The following CCDC88C variants were observed in gnomAD, a reference collection of about 807,000 sequenced individuals.
CCDC88C encodes protein Daple.
A neutral mutation model predicts 198.8 loss-of-function variants in CCDC88C; 131 were observed. That is an observed-to-expected ratio of 0.66 (90% confidence interval 0.57 to 0.76). The LOEUF (loss-of-function observed/expected upper bound fraction) is 0.76, where lower values mean the gene tolerates loss of function less well. Among genes scored for constraint, CCDC88C ranks in the 30% least tolerant of loss-of-function variants. The pLI is 0.00. For synonymous variants in CCDC88C, 1,166 were observed against 1,114.7 expected, an observed-to-expected ratio of 1.05 and a Z score of -0.92; for missense variants, 2,553 against 2,631.6, an observed-to-expected ratio of 0.97 and a Z score of 0.65.
chr14:91,339,099 G>A lies in CCDC88C; in HGVS notation c.809+179C>T, dbSNP rs1596086676. On this transcript the variant is annotated intron_variant, in intron 8 of 29. Transcript: ENST00000389857. This position sits in a 1 kb window ranked among gnomAD's most constrained non-coding sequence, Gnocchi z 5.8. ...GAATCCCCGCCCCCATCCCTGTGCA[G>A]GCCTCAGAAGGGGAGGCAGCTAGTC... 1 of 726,370 alleles carries A rather than the reference G, an allele frequency of 1.4e-6. No individual in the cohort carries two copies. The highest frequency in any genetic ancestry group is 2.4e-6 in the Non-Finnish European group (1 of 413,260). The allele number at this position is 726,370 out of a possible 1,614,324, so 45.0% of individuals were successfully genotyped here.
At chr14:91,388,203 G>A (rs1885264741) in intron 3 of CCDC88C, among the ~76,000 whole-genome samples, 1 of 152,306 alleles carries the variant, frequency 6.6e-6, no homozygotes, top group South Asian at 2.1e-4. Context: ...CCAGCAAGCG[G>A]GAGACGGCCA....
Position 91,313,311 on chromosome 14 carries a change from CTT to C in CCDC88C, c.2503_2504del (p.Lys835AlafsTer23). Reference protein sequence around the residue: ...QEVAQLEKDKKLLEKEAKRLW... With the variant: ...QEVAQLEKDKXLLEKEAKRLW... ...GCCGCTTGGCCTCCTTCTCCAGCAG[CTT>C]CTTATCCTTCTCGAGCTGGGCCACC... On this transcript the variant is annotated frameshift_variant, in exon 15 of 30. Transcript: ENST00000389857. LOFTEE classifies it high-confidence loss of function. This position sits in a 1 kb window ranked among gnomAD's most constrained non-coding sequence, Gnocchi z 5.2. 1 of 1,613,778 alleles carries C rather than the reference CTT, an allele frequency of 6.2e-7. No homozygotes were observed. The highest frequency in any genetic ancestry group is 8.5e-7 in the Non-Finnish European group (1 of 1,179,898).
intron 3 of CCDC88C, among the ~76,000 whole-genome samples, chr14:91,391,499 C>T (rs1885503060): frequency 6.6e-6 from 1 of 152,178 alleles, no homozygotes; most frequent in South Asian, 2.1e-4. Flanking sequence ...CAGAAGTAGG[C>T]CGGGCACAGT....
chr14:91,388,915 G>A (rs1596146782), intron 3 of CCDC88C, among the ~76,000 whole-genome samples: 2 of 152,202 alleles, frequency 1.3e-5, no homozygotes, highest in African/African-American at 4.8e-5. Flanking sequence ...GCACCTGAAT[G>A]TGCTGAGGTG....
chr14:91,365,513 C>G (rs990004623), intron 3 of CCDC88C, among the ~76,000 whole-genome samples: 3 of 152,220 alleles, frequency 2.0e-5, no homozygotes, highest in African/African-American at 7.2e-5. Context: ...CAGCCAGTCT[C>G]TATCTGGGAC....
chr14:91,383,173 A>G (rs1189426311), intron 3 of CCDC88C, among the ~76,000 whole-genome samples: 1 of 152,180 alleles, frequency 6.6e-6, no homozygotes, highest in African/African-American at 2.4e-5. Flanking sequence ...GTAGACTTGG[A>G]GCTGGGGAAG....
intron 13 of CCDC88C, among the ~76,000 whole-genome samples, chr14:91,317,736 T>C (rs1304745477): frequency 6.7e-6 from 1 of 149,802 alleles, no homozygotes; most frequent in East Asian, 2.0e-4. Context: ...GACCAGAGAG[T>C]GTGTGCCAAG....
At chr14:91,351,211 A>G (rs1261052669) in intron 4 of CCDC88C, among the ~76,000 whole-genome samples, 2 of 152,232 alleles carry the variant, frequency 1.3e-5, no homozygotes, top group Non-Finnish European at 2.9e-5. Context: ...TCTGGCTTAC[A>G]TGCTGGTGTG....
chr14:91,309,190 A>G (rs114322343), intron 16 of CCDC88C, among the ~76,000 whole-genome samples: 2,286 of 152,304 alleles, frequency 0.015, 41 homozygotes, highest in African/African-American at 0.052. Flanking sequence ...CCGGGATCAC[A>G]CCACTGCACT....
At chr14:91,310,060 C>G in intron 15 of CCDC88C, 74 bp from the exon 16 acceptor site, 1 of 1,427,092 alleles carries the variant, frequency 7.0e-7, no homozygotes, top group Non-Finnish European at 9.3e-7. Flanking sequence ...CAGTCCCGCC[C>G]GGGTGTGAGC....
chr14:91,317,848 G>A (rs1892171295), intron 13 of CCDC88C, among the ~76,000 whole-genome samples: 1 of 152,328 alleles, frequency 6.6e-6, no homozygotes, highest in East Asian at 1.9e-4. Context: ...GTGGGTGGGC[G>A]ACGCCCCCGC....
Position 91,284,889 on chromosome 14 carries a change from C to A in CCDC88C, c.4442-1372G>T, listed in dbSNP as rs1006786055. ...CGGTATCAGGATATGACAAAAATAA[C>A]GGAGGTGGTACAGGGATGGCTAGAG... On this transcript the variant is annotated intron_variant, in intron 25 of 29. Transcript: ENST00000389857. The surrounding 1 kb of genome is among the most constrained non-coding windows in gnomAD (Gnocchi z 4.1). Among the ~76,000 whole-genome samples, 4 of 152,018 alleles carry A rather than the reference C, an allele frequency of 2.6e-5. No individual in the cohort carries two copies. The highest frequency in any genetic ancestry group is 5.9e-5 in the Non-Finnish European group (4 of 68,012).
At position 91,369,731 on chromosome 14, in the gene CCDC88C, G is replaced by C. The variant is rs531447400; in HGVS notation, c.271-10020C>G. ...TCCTGGCAAAACGAGTGGCAATGAAGTGCTTTTATGTTACGAGGCTGTCAT... is the reference window on the plus strand; with the variant it reads ...TCCTGGCAAAACGAGTGGCAATGAACTGCTTTTATGTTACGAGGCTGTCAT... On this transcript the variant is annotated intron_variant, in intron 3 of 29. Transcript: ENST00000389857. 1.1e-3 allele frequency among the ~76,000 whole-genome samples: 162 copies of C among 152,280 alleles called. 1 individual carries two copies. The South Asian group carries it at 0.032, about 30-fold the overall frequency.
intron 10 of CCDC88C, among the ~76,000 whole-genome samples, chr14:91,328,591 C>G (rs1892673124): frequency 6.6e-6 from 1 of 152,208 alleles, no homozygotes; most frequent in African/African-American, 2.4e-5. Context: ...GGCTCAAGAG[C>G]TCACTTCTAA....
chr14:91,396,913 T>A (rs555516688), intron 3 of CCDC88C, among the ~76,000 whole-genome samples: 31 of 151,812 alleles, frequency 2.0e-4, no homozygotes, highest in African/African-American at 7.3e-4. Context: ...GGCAGGAGGA[T>A]TGCTTGAGCC....
At chr14:91,368,326 C>T (rs1448236787) in intron 3 of CCDC88C, among the ~76,000 whole-genome samples, 1 of 152,156 alleles carries the variant, frequency 6.6e-6, no homozygotes, top group Non-Finnish European at 1.5e-5. Context: ...AAGTTAAAAA[C>T]ATTTCAGAGG....
intron 3 of CCDC88C, among the ~76,000 whole-genome samples, chr14:91,395,856 C>T (rs1327987820): frequency 6.6e-6 from 1 of 152,200 alleles, no homozygotes; most frequent in Non-Finnish European, 1.5e-5. Context: ...ACCAATAGAA[C>T]CCTCCCAGTG....
intron 26 of CCDC88C, among the ~76,000 whole-genome samples, chr14:91,282,745 G>C (rs1344918755): frequency 6.6e-6 from 1 of 152,172 alleles, no homozygotes; most frequent in Non-Finnish European, 1.5e-5. Context: ...AACTGTGTCA[G>C]TGAACTTCCA....
chr14:91,339,722 C>G lies in CCDC88C; in HGVS notation c.624+162G>C, dbSNP rs575551488. 1.4e-4 allele frequency among the ~76,000 whole-genome samples: 21 copies of G among 152,306 alleles called. No homozygotes were observed. The highest frequency in any genetic ancestry group is 4.3e-4 in the African/African-American group (18 of 41,572). On this transcript the variant is annotated intron_variant, in intron 7 of 29. Transcript: ENST00000389857. The surrounding 1 kb of genome is among the most constrained non-coding windows in gnomAD (Gnocchi z 5.8). ...GTATCCTCCCACAGGCCCGAGGTGACCATGCACTGCAGGGGCCGTAACCAG... is the reference window on the plus strand; with the variant it reads ...GTATCCTCCCACAGGCCCGAGGTGAGCATGCACTGCAGGGGCCGTAACCAG...
Sources: gnomAD v4.1 joint callset for allele counts (sites outside exome capture counted in the v4.1 genomes callset) on GRCh38, gnomAD v4.1.1 for gene constraint, Gnocchi (gnomAD v3.1) non-coding constraint, MANE v1.5 for transcripts, NCBI Gene and HGNC (gene_info 2026-07-23, HGNC 2026-07-21) for gene names.